Variants in AK2 observed in about 807,000 individuals in gnomAD.
The protein encoded by AK2 is adenylate kinase 2, mitochondrial.
In AK2, 15 loss-of-function variants were observed where a neutral mutation model predicts 24.6. The observed-to-expected ratio is 0.61, with a 90% CI of 0.41 to 0.94. AK2 has a LOEUF of 0.94. Among genes scored for constraint, AK2 ranks in the 40% least tolerant of loss-of-function variants. The probability of loss-of-function intolerance (pLI) is 0.00; values close to 1 mark genes in which losing one functional copy is unlikely to be tolerated. For missense variants in AK2, 257 were observed against 304.1 expected (o/e 0.85, Z 1.15); for synonymous variants, 102 against 114.0 (o/e 0.90, Z 0.67).
rs1356043913 is a variant in AK2, at chr1:33,019,630, T to C, written c.425+1737A>G. On this transcript the variant is annotated intron_variant, in intron 4 of 5. Transcript: ENST00000672715. ...CTTTCCAGGATAATAGTGCTAACCCTGTGCTGTCTATTCACATGTTTGTCT... is the reference window on the plus strand; with the variant it reads ...CTTTCCAGGATAATAGTGCTAACCCCGTGCTGTCTATTCACATGTTTGTCT... 7.0e-6 allele frequency: 7 copies of C among 993,946 alleles called. No individual in the cohort carries two copies. In the African/African-American group the frequency reaches 8.7e-5, roughly 12 times the overall value. 61.6% of individuals were successfully genotyped at this position (993,946 alleles called of 1,614,324 possible). A position where few individuals can be genotyped will look rare whatever the true frequency, so the allele number is the denominator to read the frequency against.
chr1:33,026,624 T>C lies in AK2; in HGVS notation c.94-2057A>G, dbSNP rs547418031. On this transcript the variant is annotated intron_variant, in intron 1 of 5. Coordinates refer to ENST00000672715, the MANE Select transcript of AK2 (RefSeq NM_001625.4). ...GAGATTGAGACCATCCTGGCCAACA[T>C]GGTGAAACCCCGTCTCTACTAAAAT... 3.3e-5 allele frequency among the ~76,000 whole-genome samples: 5 copies of C among 149,780 alleles called. No individual in the cohort carries two copies. The East Asian group carries it at 1.0e-3, about 30-fold the overall frequency.
Position 33,012,417 on chromosome 1 carries a change from T to C in AK2, c.*764A>G. On this transcript the variant is annotated 3_prime_UTR_variant, in exon 6 of 6. Transcript: ENST00000672715. ...TTTCATCATGGGTTAGAAAACAAAATGGAATTCTCTGTCCATAATGTGCCA... is the reference window on the plus strand; with the variant it reads ...TTTCATCATGGGTTAGAAAACAAAACGGAATTCTCTGTCCATAATGTGCCA... 1 of 1,485,140 alleles carries C rather than the reference T, an allele frequency of 6.7e-7. No homozygotes were observed. The highest frequency in any genetic ancestry group is 9.0e-7 in the Non-Finnish European group (1 of 1,116,544). 92.0% of individuals were successfully genotyped at this position (1,485,140 alleles called of 1,614,324 possible). A position where few individuals can be genotyped will look rare whatever the true frequency, so the allele number is the denominator to read the frequency against.
chr1:33,031,838 A>C, intron 1 of AK2: 1 of 368,276 alleles, frequency 2.7e-6, no homozygotes, highest in South Asian at 2.0e-5. Flanking sequence ...CAAGAAACAT[A>C]CCTTTGGTTT....
chr1:33,017,818 A>C (rs901599318), intron 4 of AK2, among the ~76,000 whole-genome samples: 2 of 152,056 alleles, frequency 1.3e-5, no homozygotes, highest in African/African-American at 4.8e-5. Context: ...CCAGTGGCCT[A>C]ATCATGGCTC....
chr1:33,025,090 TAGG>T (rs1557626270), intron 1 of AK2, among the ~76,000 whole-genome samples: 1 of 145,172 alleles, frequency 6.9e-6, no homozygotes, highest in Non-Finnish European at 1.5e-5. Context: ...GAGGCTGAGG[TAGG>T]AGAATTATTT....
At chr1:33,032,368 G>A (rs1640291196) in intron 1 of AK2, 4 of 152,210 alleles carry the variant, frequency 2.6e-5, no homozygotes, top group African/African-American at 9.7e-5. Flanking sequence ...AGAGAAACTG[G>A]AGCTCTGGAT....
chr1:33,009,254 C>T lies in AK2; in HGVS notation c.*3927G>A, dbSNP rs996252960. ...TTCTCAGAAACCTCACTTGCAAAGG[C>T]AGCCCTTCCAAAAACATGAGAGCTT... On this transcript the variant is annotated 3_prime_UTR_variant, in exon 6 of 6. Transcript: ENST00000672715. 4.4e-6 allele frequency: 2 copies of T among 454,080 alleles called. No homozygotes were observed. The allele number at this position is 454,080 out of a possible 1,614,324, so 28.1% of individuals were successfully genotyped here.
At chr1:33,026,665 G>A (rs947893735) in intron 1 of AK2, among the ~76,000 whole-genome samples, 2 of 151,658 alleles carry the variant, frequency 1.3e-5, no homozygotes, top group Non-Finnish European at 2.9e-5. Flanking sequence ...AAAATTAGCC[G>A]GGCATGGTGG....
At chr1:33,033,288 T>C (rs1482436402) in intron 1 of AK2, among the ~76,000 whole-genome samples, 2 of 152,186 alleles carry the variant, frequency 1.3e-5, no homozygotes, top group African/African-American at 2.4e-5. Context: ...TCCCAGCTAC[T>C]TGGGTGGCTG....
At chr1:33,024,718 T>C in intron 1 of AK2, 151 bp from the exon 2 acceptor site, 1 of 883,270 alleles carries the variant, frequency 1.1e-6, no homozygotes, top group Non-Finnish European at 1.8e-6. Context: ...AAAAGTACCT[T>C]ATATTACATT....
intron 2 of AK2, among the ~76,000 whole-genome samples, chr1:33,023,555 C>A (rs1370391717): frequency 1.3e-5 from 2 of 152,120 alleles, no homozygotes; most frequent in Non-Finnish European, 2.9e-5. Context: ...CCACTGCACA[C>A]CAGCCTGGGT....
At chr1:33,024,273 T>A in intron 2 of AK2, 169 bp downstream of exon 2, 1 of 907,658 alleles carries the variant, frequency 1.1e-6, no homozygotes, top group Non-Finnish European at 1.7e-6. Flanking sequence ...AAGTTCTGTA[T>A]CAGCGTTGGC....
intron 1 of AK2, among the ~76,000 whole-genome samples, chr1:33,026,269 G>A (rs1000927768): frequency 1.9e-4 from 29 of 152,056 alleles, no homozygotes; most frequent in African/African-American, 6.8e-4. Flanking sequence ...CACGATCACG[G>A]CTCACTGCAG....
rs1455363081 is a variant in AK2 at position 33,010,106 on chromosome 1, A to G, written c.*3075T>C. 3 of 454,456 alleles carry G rather than the reference A, an allele frequency of 6.6e-6. No individual in the cohort carries two copies. Among genetic ancestry groups the G allele is most frequent in the South Asian group, 4.7e-5 (3 of 64,484 alleles). 28.2% of individuals were successfully genotyped at this position (454,456 alleles called of 1,614,324 possible). A position where few individuals can be genotyped will look rare whatever the true frequency, so the allele number is the denominator to read the frequency against. On this transcript the variant is annotated 3_prime_UTR_variant, in exon 6 of 6. Coordinates refer to ENST00000672715, the MANE Select transcript of AK2 (RefSeq NM_001625.4). ...GGACACTTGCTCATTTATTTAAAAG[A>G]GTCCCTTCACACAGTGCAGATAAAA...
At chr1:33,019,855 T>C (rs1336532269) in intron 4 of AK2, 2 of 1,257,318 alleles carry the variant, frequency 1.6e-6, no homozygotes, top group East Asian at 7.1e-5. Context: ...AAGTAAACAA[T>C]GGTTAACCTA....
chr1:33,036,788 T>C lies in AK2; in HGVS notation c.41A>G (p.Lys14Arg). The C allele has an allele frequency of 6.2e-7, 1 of 1,600,520 alleles. No homozygotes were observed. The highest frequency in any genetic ancestry group is 8.5e-7 in the Non-Finnish European group (1 of 1,174,300). ...SVPAAEPEYPKGIRAVLLGPP... is the reference protein window; with the variant it reads ...SVPAAEPEYPRGIRAVLLGPP... ...CCCCAGCAGCACGGCCCGGATGCCTTTAGGATACTCGGGTTCTGCCGCTGG... is the reference window on the plus strand; with the variant it reads ...CCCCAGCAGCACGGCCCGGATGCCTCTAGGATACTCGGGTTCTGCCGCTGG... Residue 14 changes from lysine (K) to arginine (R), a missense_variant, in exon 1 of 6, where the codon AAA (lysine) becomes AGA (arginine). Lys to Arg is a conservative substitution (Grantham distance 26). Transcript: ENST00000672715.
chr1:33,031,949 T>C (rs1569735260), intron 1 of AK2: 2 of 238,882 alleles, frequency 8.4e-6, no homozygotes, highest in East Asian at 1.0e-4. Flanking sequence ...TTTAAAACAT[T>C]ACATTGATGC....
rs763224724 is a variant in AK2, at chr1:33,011,412, G to A, written c.*1769C>T. 1.3e-5 allele frequency: 17 copies of A among 1,287,400 alleles called. No individual in the cohort carries two copies. Among genetic ancestry groups the A allele is most frequent in the Middle Eastern group, 3.3e-4 (1 of 3,064 alleles). The allele number at this position is 1,287,400 out of a possible 1,614,324, so 79.7% of individuals were successfully genotyped here. A position where few individuals can be genotyped will look rare whatever the true frequency, so the allele number is the denominator to read the frequency against. On this transcript the variant is annotated 3_prime_UTR_variant, in exon 6 of 6. Transcript: ENST00000672715. ...AGTGGGTGGAGTTGGTTTAGAGCCA[G>A]GAAAACAAGGCAGGACAGAGGCAGC...
At chr1:33,018,051 C>A (rs1639304914) in intron 4 of AK2, among the ~76,000 whole-genome samples, 1 of 152,192 alleles carries the variant, frequency 6.6e-6, no homozygotes, top group Non-Finnish European at 1.5e-5. Flanking sequence ...CAGGCATGAA[C>A]CACTGCGCCC....
Sources: allele counts gnomAD v4.1 joint callset (sites outside exome capture counted in the v4.1 genomes callset), GRCh38; gene constraint gnomAD v4.1.1; transcripts MANE v1.5; gene names NCBI Gene and HGNC (gene_info 2026-07-23, HGNC 2026-07-21).